Variants in DDX10 observed in about 807,000 individuals in gnomAD.
DDX10 encodes the protein DEAD-box helicase 10.
A neutral mutation model predicts 104.3 loss-of-function variants in DDX10; 74 were observed. The observed-to-expected ratio is 0.71, with a 90% confidence interval of 0.59 to 0.86. The LOEUF (loss-of-function observed/expected upper bound fraction) is 0.86. Among genes scored for constraint, DDX10 ranks in the 40% least tolerant of loss-of-function variants. The pLI, the probability that DDX10 is intolerant of heterozygous loss-of-function variation, is 0.00. For missense variants in DDX10, 952 were observed against 1,040.0 expected (o/e 0.92, Z 1.16); for synonymous variants, 351 against 353.4 (o/e 0.99, Z 0.08).
chr11:108,848,937 G>T (rs905279090), intron 15 of DDX10, among the ~76,000 whole-genome samples: 3 of 152,144 alleles, frequency 2.0e-5, no homozygotes, highest in African/African-American at 7.2e-5. Flanking sequence ...CTACCATGTG[G>T]CTCGGTAAAT....
At chr11:108,841,837 A>C (rs537295456) in intron 15 of DDX10, among the ~76,000 whole-genome samples, 1 of 152,184 alleles carries the variant, frequency 6.6e-6, no homozygotes, top group South Asian at 2.1e-4. Context: ...GGAATGTTTT[A>C]TATAAAACTA....
chr11:108,785,626 T>C (rs989540310), intron 13 of DDX10, among the ~76,000 whole-genome samples: 10 of 152,142 alleles, frequency 6.6e-5, no homozygotes, highest in African/African-American at 2.4e-4. Context: ...ATTTCTGAAC[T>C]TGAAAGTTGT....
chr11:108,695,636 G>T (rs947999987), intron 9 of DDX10, among the ~76,000 whole-genome samples: 1 of 151,852 alleles, frequency 6.6e-6, no homozygotes, highest in African/African-American at 2.4e-5. Context: ...TTGTTTTTAT[G>T]TGGTCACTTT....
intron 13 of DDX10, among the ~76,000 whole-genome samples, chr11:108,810,268 T>C (rs1011197852): frequency 1.3e-5 from 2 of 152,204 alleles, no homozygotes; most frequent in Admixed American, 6.5e-5. Flanking sequence ...ACTTGCAAAT[T>C]GTGTTAGCCT....
intron 15 of DDX10, among the ~76,000 whole-genome samples, chr11:108,848,627 A>G (rs1862750668): frequency 6.6e-6 from 1 of 152,124 alleles, no homozygotes; most frequent in Admixed American, 6.6e-5. Flanking sequence ...ATCTAGTGAC[A>G]TTTAGCTCAA....
chr11:108,779,120 A>T (rs576941329), intron 13 of DDX10, among the ~76,000 whole-genome samples: 10 of 152,342 alleles, frequency 6.6e-5, no homozygotes, highest in Admixed American at 5.9e-4. Flanking sequence ...ATTGTGGAAG[A>T]CAGTGTGGTG....
chr11:108,695,584 A>T (rs537059004), intron 9 of DDX10, among the ~76,000 whole-genome samples: 1 of 152,150 alleles, frequency 6.6e-6, no homozygotes, highest in Admixed American at 6.5e-5. Flanking sequence ...ATTTCTATAC[A>T]TTTATATTTT....
intron 16 of DDX10, among the ~76,000 whole-genome samples, chr11:108,911,142 AT>A: frequency 6.6e-6 from 1 of 152,278 alleles, no homozygotes; most frequent in East Asian, 1.9e-4. Flanking sequence ...AGAACAGCTC[AT>A]TTTGTTATCA....
chr11:108,938,654 A>G (rs1470483546), intron 17 of DDX10, among the ~76,000 whole-genome samples: 1 of 152,096 alleles, frequency 6.6e-6, no homozygotes, highest in Non-Finnish European at 1.5e-5. Flanking sequence ...GAACTCTTTC[A>G]TGTTCATCTC....
chr11:108,800,639 CAA>C lies in DDX10; in HGVS notation c.1966-37804_1966-37803del, dbSNP rs1862008281. ...CTCCAGTGCCACATTTATAAGAAAT[CAA>C]AATCTTGTTGATCAATTGACAATCA... On this transcript the variant is annotated intron_variant, in intron 13 of 17. Coordinates refer to ENST00000322536, the MANE Select transcript of DDX10 (RefSeq NM_004398.4). Among the ~76,000 whole-genome samples, 7 of 152,056 alleles carry C rather than the reference CAA, an allele frequency of 4.6e-5. No individual in the cohort carries two copies. In the South Asian group the frequency reaches 1.5e-3, roughly 32 times the overall value.
chr11:108,797,954 C>A (rs990828154), intron 13 of DDX10, among the ~76,000 whole-genome samples: 1 of 152,202 alleles, frequency 6.6e-6, no homozygotes, highest in Admixed American at 6.5e-5. Context: ...CTGCATCCTT[C>A]CTCTTACCCA....
chr11:108,696,165 G>T (rs11212759), intron 9 of DDX10, among the ~76,000 whole-genome samples: 18,642 of 151,472 alleles, frequency 0.12, 1,553 homozygotes, highest in East Asian at 0.27. Flanking sequence ...TGAGTACATG[G>T]TTTTTGTTTT....
intron 2 of DDX10, among the ~76,000 whole-genome samples, chr11:108,674,598 C>T (rs2094221498): frequency 2.0e-5 from 3 of 151,958 alleles, no homozygotes; most frequent in South Asian, 4.2e-4. Flanking sequence ...GCATCCTCAG[C>T]CTTCTGGGCT....
chr11:108,759,207 T>G (rs2094347864), intron 13 of DDX10, among the ~76,000 whole-genome samples: 2 of 152,084 alleles, frequency 1.3e-5, no homozygotes, highest in African/African-American at 4.8e-5. Flanking sequence ...TTAAATTATT[T>G]TTAATTATTT....
intron 15 of DDX10, among the ~76,000 whole-genome samples, chr11:108,850,479 A>T (rs974888104): frequency 6.6e-6 from 1 of 152,132 alleles, no homozygotes; most frequent in African/African-American, 2.4e-5. Flanking sequence ...TCAGACACTG[A>T]TGTGTTGGAG....
chr11:108,669,710 G>A (rs1488647746), intron 1 of DDX10, among the ~76,000 whole-genome samples: 1 of 152,248 alleles, frequency 6.6e-6, no homozygotes, highest in Non-Finnish European at 1.5e-5. Flanking sequence ...TGACCTTAAA[G>A]TAGGGCGATT....
intron 16 of DDX10, among the ~76,000 whole-genome samples, chr11:108,877,370 T>C (rs1863167049): frequency 6.6e-6 from 1 of 152,204 alleles, no homozygotes; most frequent in African/African-American, 2.4e-5. Flanking sequence ...TTATAGTTCT[T>C]TAAATTTATG....
At chr11:108,760,675 GTTTTTTTT>G (rs201234836) in intron 13 of DDX10, among the ~76,000 whole-genome samples, 78 of 129,718 alleles carry the variant, frequency 6.0e-4, no homozygotes, top group Non-Finnish European at 8.6e-4. Flanking sequence ...ACATAACACT[GTTTTTTTT>G]TTTTTTTTTA....
intron 6 of DDX10, among the ~76,000 whole-genome samples, chr11:108,681,583 C>T (rs1029960536): frequency 1.3e-5 from 2 of 152,116 alleles, no homozygotes; most frequent in South Asian, 2.1e-4. Flanking sequence ...AGTATCTACT[C>T]TCAAATTGTG....
Sources: allele counts gnomAD v4.1 joint callset (sites outside exome capture counted in the v4.1 genomes callset), GRCh38; gene constraint gnomAD v4.1.1; transcripts MANE v1.5; gene names NCBI Gene and HGNC (gene_info 2026-07-23, HGNC 2026-07-21).